Variants in FAM107B observed in about 807,000 individuals in gnomAD.
FAM107B encodes family with sequence similarity 107 member B.
Under a neutral mutation model 31.5 loss-of-function variants are expected in FAM107B, and 21 were observed. That is an observed-to-expected ratio of 0.67 (90% CI 0.47 to 0.96). FAM107B has a LOEUF of 0.96. FAM107B is among the 40% of genes least tolerant of loss of function. The probability of loss-of-function intolerance (pLI) is 0.00; values close to 1 mark genes in which losing one functional copy is unlikely to be tolerated. For synonymous variants in FAM107B, 157 were observed against 141.5 expected (o/e 1.11, Z -0.78); for missense variants, 452 against 377.1 (o/e 1.20, Z -1.64).
chr10:14,604,264 GGCTCCCTCCCA>G, intron 2 of FAM107B: 2 of 979,656 alleles, frequency 2.0e-6, no homozygotes, highest in South Asian at 4.7e-5. Flanking sequence ...AAAGGCGCGC[GGCTCCCTCCCA>G]GCTCGCTCCC....
At chr10:14,717,045 G>A (rs918144288) in intron 1 of FAM107B, among the ~76,000 whole-genome samples, 2 of 152,164 alleles carry the variant, frequency 1.3e-5, no homozygotes, top group Admixed American at 1.3e-4. Flanking sequence ...AGCCGAGATA[G>A]CGCCACTGCA....
intron 1 of FAM107B, among the ~76,000 whole-genome samples, chr10:14,730,510 G>T (rs996076329): frequency 3.3e-5 from 5 of 152,242 alleles, no homozygotes; most frequent in African/African-American, 1.2e-4. Context: ...TGTGTCTGGG[G>T]AACCAGCGGA....
At chr10:14,539,364 T>C (rs1174576187) in intron 2 of FAM107B, among the ~76,000 whole-genome samples, 1 of 152,172 alleles carries the variant, frequency 6.6e-6, no homozygotes, top group Admixed American at 6.5e-5. Flanking sequence ...CTGCTTTCCA[T>C]GCAAACTAGC....
intron 2 of FAM107B, among the ~76,000 whole-genome samples, chr10:14,599,180 G>A (rs570444875): frequency 3.9e-5 from 6 of 152,124 alleles, no homozygotes; most frequent in East Asian, 1.9e-4. Context: ...TTGTTTCTAC[G>A]GGAGACTTGA....
At chr10:14,687,894 C>T (rs12146340) in intron 1 of FAM107B, among the ~76,000 whole-genome samples, 30,053 of 152,100 alleles carry the variant, frequency 0.2, 3,024 homozygotes, top group Middle Eastern at 0.28. Flanking sequence ...CACACAAATG[C>T]GCTGTGATGG....
chr10:14,745,163 A>ATT (rs1192856935), intron 1 of FAM107B, among the ~76,000 whole-genome samples: 4 of 151,358 alleles, frequency 2.6e-5, no homozygotes, highest in African/African-American at 9.7e-5. Flanking sequence ...CCCCTTTATC[A>ATT]TTTTTTATTG....
intron 2 of FAM107B, among the ~76,000 whole-genome samples, chr10:14,656,912 C>T (rs1053559686): frequency 1.3e-5 from 2 of 152,182 alleles, no homozygotes; most frequent in Admixed American, 6.5e-5. Flanking sequence ...TCCATTCCCA[C>T]TGTGTTAAGA....
At position 14,674,471 on chromosome 10, in the gene FAM107B, C is replaced by T. The variant is rs1029331608; in HGVS notation, c.412-6780G>A. ...TGCACCCTTTATAATGTAAAACCAC[C>T]ACTTTGTTTTTCTCTGCAGTCTAGA... On this transcript the variant is annotated intron_variant, in intron 1 of 4. Transcript: ENST00000181796. Among the ~76,000 whole-genome samples, 3 of 152,096 alleles carry T rather than the reference C, an allele frequency of 2.0e-5. No homozygotes were observed. The East Asian group carries it at 5.8e-4, about 29-fold the overall frequency.
At position 14,766,412 on chromosome 10, in the gene FAM107B, TG is replaced by T. The variant is rs1833162366; in HGVS notation, c.411+7840del. Among the ~76,000 whole-genome samples the T allele has an allele frequency of 2.0e-5, 3 of 152,256 alleles. No individual in the cohort carries two copies. The South Asian group carries it at 6.2e-4, about 32-fold the overall frequency. Reference sequence around the variant, plus strand: ...GTTGACCTGAGTTTCCCATGCTGCTTGGAGGGTTATCATTAGAGTGGAAATG... The same window carrying T: ...GTTGACCTGAGTTTCCCATGCTGCTTGAGGGTTATCATTAGAGTGGAAATG... On this transcript the variant is annotated intron_variant, in intron 1 of 4. Coordinates refer to ENST00000181796, the MANE Select transcript of FAM107B (RefSeq NM_031453.4).
At position 14,774,640 on chromosome 10, in the gene FAM107B, G is replaced by C; in HGVS notation, c.24C>G (p.Leu8=). Residue 8 remains leucine, a synonymous_variant, in exon 1 of 5, where the codon CTC becomes CTG. Transcript: ENST00000181796. MSTWKAR[L]TKRLKSPSRS... is the part of the protein sequence containing the mutation. ...TAGAGGGAGACTTCAGTCTTTTGGT[G>C]AGTCTTGCTTTCCACGTGGACATGA... 6.2e-7 allele frequency: 1 copy of C among 1,613,952 alleles called. No individual in the cohort carries two copies. The highest frequency in any genetic ancestry group is 8.5e-7 in the Non-Finnish European group (1 of 1,179,896).
intron 2 of FAM107B, among the ~76,000 whole-genome samples, chr10:14,570,069 A>G (rs1339109968): frequency 6.6e-6 from 1 of 152,250 alleles, no homozygotes. Flanking sequence ...TATTAAGCCA[A>G]TATTACTTAG....
intron 2 of FAM107B, among the ~76,000 whole-genome samples, chr10:14,575,063 T>C (rs1381324750): frequency 3.3e-5 from 5 of 152,314 alleles, no homozygotes; most frequent in African/African-American, 1.2e-4. Context: ...AAAACTAAGT[T>C]ATCTGTATGA....
intron 2 of FAM107B, among the ~76,000 whole-genome samples, chr10:14,645,084 G>A (rs1031119437): frequency 2.6e-5 from 4 of 152,170 alleles, no homozygotes; most frequent in African/African-American, 7.2e-5. Flanking sequence ...AATGTGATTT[G>A]ATTCAAAATG....
At chr10:14,744,704 TC>T (rs1314358978) in intron 1 of FAM107B, among the ~76,000 whole-genome samples, 12 of 152,206 alleles carry the variant, frequency 7.9e-5, no homozygotes, top group Admixed American at 1.3e-4. Flanking sequence ...GCCAACTTGA[TC>T]ATGGTGGTCA....
intron 2 of FAM107B, among the ~76,000 whole-genome samples, chr10:14,590,320 G>A (rs1851974032): frequency 6.6e-6 from 1 of 152,156 alleles, no homozygotes; most frequent in Non-Finnish European, 1.5e-5. Context: ...TCAAGTGTTT[G>A]GTCAACAGCA....
At chr10:14,713,494 G>A (rs990083236) in intron 1 of FAM107B, among the ~76,000 whole-genome samples, 2 of 152,166 alleles carry the variant, frequency 1.3e-5, no homozygotes, top group Non-Finnish European at 2.9e-5. Flanking sequence ...GGAAGAGGGG[G>A]AAACAGCGGA....
At chr10:14,583,797 G>A (rs1019143917) in intron 2 of FAM107B, among the ~76,000 whole-genome samples, 3 of 152,122 alleles carry the variant, frequency 2.0e-5, no homozygotes, top group Non-Finnish European at 4.4e-5. Flanking sequence ...CCATTCACCG[G>A]AAGAATCTTC....
chr10:14,661,516 G>C (rs974410124), intron 2 of FAM107B: 1 of 152,218 alleles, frequency 6.6e-6, no homozygotes, highest in African/African-American at 2.4e-5. Context: ...AGTCTTCCCT[G>C]CCCTTGTTCC....
Position 14,723,352 on chromosome 10 carries a change from T to A in FAM107B, c.411+50901A>T, listed in dbSNP as rs147503720. On this transcript the variant is annotated intron_variant, in intron 1 of 4. Transcript: ENST00000181796. ...CAGGCTAAGTAGCAGTGAACTCAGG[T>A]GCTGGAGCAGTCGATTTGCCCTGAA... 2,677 of 545,650 alleles carry A rather than the reference T, an allele frequency of 4.9e-3. 50 individuals are homozygous for A. Among genetic ancestry groups the A allele is most frequent in the East Asian group, 0.04 (848 of 21,084 alleles). The allele number at this position is 545,650 out of a possible 1,614,324, so 33.8% of individuals were successfully genotyped here.
Sources: gnomAD v4.1 joint callset for allele counts (sites outside exome capture counted in the v4.1 genomes callset) on GRCh38, gnomAD v4.1.1 for gene constraint, MANE v1.5 for transcripts, NCBI Gene and HGNC (gene_info 2026-07-23, HGNC 2026-07-21) for gene names.